The following MBIP variants were observed in gnomAD, a reference collection of about 807,000 sequenced individuals.
MBIP encodes the protein MAP3K12-binding inhibitory protein 1.
In MBIP, 32 loss-of-function variants were observed where a neutral mutation model predicts 45.7. The observed-to-expected ratio is 0.70, with a 90% CI of 0.53 to 0.94. The LOEUF (loss-of-function observed/expected upper bound fraction) is 0.94, where lower values mean the gene tolerates loss of function less well. Among genes scored for constraint, MBIP ranks in the 40% least tolerant of loss-of-function variants. The pLI is 0.00. For synonymous variants in MBIP, 145 were observed against 141.0 expected (o/e 1.03, Z -0.20); for missense variants, 381 against 405.5 (o/e 0.94, Z 0.52).
chr14:36,316,894 T>G, intron 1 of MBIP, 82 bp from the exon 2 acceptor site: 6 of 1,428,474 alleles, frequency 4.2e-6, no homozygotes, highest in South Asian at 1.5e-5. Flanking sequence ...ATAAGATTTC[T>G]AGAGTAACGG....
intron 1 of MBIP, among the ~76,000 whole-genome samples, chr14:36,317,392 T>C (rs1880637870): frequency 6.6e-6 from 1 of 151,910 alleles, no homozygotes; most frequent in African/African-American, 2.4e-5. Context: ...AGTGTAGGGA[T>C]AAATGGCAAC....
intron 4 of MBIP, among the ~76,000 whole-genome samples, chr14:36,312,705 C>T (rs1172195249): frequency 6.6e-6 from 1 of 151,910 alleles, no homozygotes; most frequent in East Asian, 1.9e-4. Context: ...AGTATCAATG[C>T]ATAAATTACA....
intron 7 of MBIP, among the ~76,000 whole-genome samples, chr14:36,302,759 C>T (rs528062710): frequency 2.6e-4 from 40 of 152,238 alleles, no homozygotes; most frequent in African/African-American, 9.1e-4. Context: ...ACCGTGGATA[C>T]ACTAGATTAA....
At position 36,314,553 on chromosome 14, in the gene MBIP, T is replaced by G; in HGVS notation, c.530A>C (p.Asn177Thr). The G allele has an allele frequency of 6.2e-7, 1 of 1,610,498 alleles. No homozygotes were observed. Among genetic ancestry groups the G allele is most frequent in the Non-Finnish European group, 8.5e-7 (1 of 1,178,794 alleles). Residue 177 changes from asparagine to threonine, a missense_variant, in exon 4 of 9, where the codon AAC (asparagine) becomes ACC (threonine). Transcript: ENST00000416007. ...AACATTGCAAAATTCCCTGACGTTG[T>G]TTTCATTGATTTCAGCTTGCTTTCT... ...IERKQAEINE[N>T]NVREFCNVID...
At chr14:36,310,674 G>A (rs190124626) in intron 6 of MBIP, among the ~76,000 whole-genome samples, 2 of 152,282 alleles carry the variant, frequency 1.3e-5, no homozygotes, top group East Asian at 3.9e-4. Context: ...GCTTTAAAGG[G>A]GAGCAGGGAA....
Position 36,311,982 on chromosome 14 carries a change from G to C in MBIP, c.614C>G (p.Pro205Arg). 6.3e-7 allele frequency: 1 copy of C among 1,595,020 alleles called. No individual in the cohort carries two copies. Among genetic ancestry groups the C allele is most frequent in the Non-Finnish European group, 8.5e-7 (1 of 1,172,070 alleles). ...ACCTTTTACGTGACTTTTAAATCCG[G>C]GGTAAGGGGTAAAAATCGCATCAGT... ...ARTDAIFTPY[P>R]GFKSHVKVSR... The change falls in exon 5 of 9, where the codon CCC becomes CGC. Residue 205 changes from proline (P) to arginine (R), a missense_variant. Coordinates refer to ENST00000416007, the MANE Select transcript of MBIP (RefSeq NM_016586.3).
intron 2 of MBIP, 66 bp downstream of exon 2, chr14:36,316,627 A>G: frequency 6.9e-7 from 1 of 1,454,424 alleles, no homozygotes; most frequent in Non-Finnish European, 9.4e-7. Context: ...CAAATACTCC[A>G]ACTAACTTAA....
intron 7 of MBIP, among the ~76,000 whole-genome samples, chr14:36,302,072 C>T (rs1879591743): frequency 6.6e-6 from 1 of 152,228 alleles, no homozygotes; most frequent in Non-Finnish European, 1.5e-5. Context: ...TATGCTCCTT[C>T]CTTTGCCAAA....
chr14:36,304,322 C>T (rs1879747755), intron 7 of MBIP, among the ~76,000 whole-genome samples: 1 of 152,238 alleles, frequency 6.6e-6, no homozygotes. Flanking sequence ...TTCATTTGCA[C>T]ATCTACTCGA....
chr14:36,318,003 T>A (rs1422859977), intron 1 of MBIP, among the ~76,000 whole-genome samples: 1 of 152,022 alleles, frequency 6.6e-6, no homozygotes, highest in Non-Finnish European at 1.5e-5. Context: ...ATTAGACAAG[T>A]ATAAAGAGAT....
chr14:36,316,807 G>A lies in MBIP; in HGVS notation c.135C>T (p.Asp45=), dbSNP rs1594524208. 3 of 1,607,390 alleles carry A rather than the reference G, an allele frequency of 1.9e-6. 1 individual carries two copies. The South Asian group carries it at 3.4e-5, about 18-fold the overall frequency. The change falls in exon 2 of 9, where the codon GAC becomes GAT. Residue 45 remains aspartate (D), a synonymous_variant. Transcript: ENST00000416007. ...RSLHTLVGQL[D]LRDDVVKITI... ...TAATTTTCACCACATCATCTCTGAGGTCAAGCTTCAAAGGGGCAAACCAGC... is the reference window on the plus strand; with the variant it reads ...TAATTTTCACCACATCATCTCTGAGATCAAGCTTCAAAGGGGCAAACCAGC...
chr14:36,320,165 C>T (rs1460837420), intron 1 of MBIP, among the ~76,000 whole-genome samples: 1 of 151,972 alleles, frequency 6.6e-6, no homozygotes, highest in Non-Finnish European at 1.5e-5. Context: ...CGCAGTGAAG[C>T]TTTTCCACAT....
rs45544934 is a variant in MBIP at position 36,316,773 on chromosome 14, A to T, written c.169T>A (p.Trp57Arg). ...RDDVVKITID[W>R]NKLQSLSAFQ... is the part of the protein sequence containing the mutation. The stretch of plus-strand genomic sequence containing the variant: ...GCCGAGAGGCTCTGGAGCTTGTTCC[A>T]ATCGATTGTAATTTTCACCACATCA... Residue 57 changes from tryptophan (W) to arginine (R), a missense_variant, in exon 2 of 9, where the codon TGG becomes AGG. By Grantham distance (101) the Trp-to-Arg change is moderately radical. Transcript: ENST00000416007. 81 of 1,612,694 alleles carry T rather than the reference A, an allele frequency of 5.0e-5. No homozygotes were observed. Among genetic ancestry groups the T allele is most frequent in the Non-Finnish European group, 6.4e-5 (76 of 1,179,194 alleles).
chr14:36,311,726 C>T lies in MBIP; in HGVS notation c.638-1G>A, dbSNP rs745603409. ...CCGTATGTATTCACAACTCTAGAAA[C>T]TAAATTAAGAAACTTTTGAGCCTAT... On this transcript the variant is annotated splice_acceptor_variant, in intron 5 of 8. Transcript: ENST00000416007. LOFTEE classifies it high-confidence loss of function. 6.3e-7 allele frequency: 1 copy of T among 1,586,792 alleles called. No individual in the cohort carries two copies. The highest frequency in any genetic ancestry group is 1.2e-5 in the South Asian group (1 of 85,984).
intron 8 of MBIP, 116 bp from the exon 9 acceptor site, chr14:36,299,306 T>C: frequency 1.5e-6 from 1 of 682,666 alleles, no homozygotes; most frequent in South Asian, 2.0e-5. Flanking sequence ...CAAATGGTTT[T>C]TTTCCCTCAT....
chr14:36,315,809 T>C (rs1364622636), intron 2 of MBIP, among the ~76,000 whole-genome samples: 1 of 152,166 alleles, frequency 6.6e-6, no homozygotes, highest in African/African-American at 2.4e-5. Context: ...CCTATTCCAT[T>C]AGTCAAAACA....
intron 6 of MBIP, among the ~76,000 whole-genome samples, chr14:36,309,499 T>C (rs1880076992): frequency 6.6e-6 from 1 of 152,212 alleles, no homozygotes; most frequent in Non-Finnish European, 1.5e-5. Flanking sequence ...AATGAATACA[T>C]GATTAGCCAA....
At chr14:36,316,918 T>C in intron 1 of MBIP, 106 bp from the exon 2 acceptor site, 1 of 1,241,602 alleles carries the variant, frequency 8.1e-7, no homozygotes, top group Admixed American at 2.7e-5. Flanking sequence ...TATTTTGCTC[T>C]AAGTTATCAA....
intron 7 of MBIP, 120 bp downstream of exon 7, chr14:36,307,968 GTTCA>G (rs535193725): frequency 2.6e-5 from 15 of 575,630 alleles, no homozygotes; most frequent in Non-Finnish European, 4.6e-5. Context: ...ACAGGACTGT[GTTCA>G]TTCATCTTTG....
Sources: allele counts gnomAD v4.1 joint callset (sites outside exome capture counted in the v4.1 genomes callset), GRCh38; gene constraint gnomAD v4.1.1; transcripts MANE v1.5; gene names NCBI Gene and HGNC (gene_info 2026-07-23, HGNC 2026-07-21).